Variants in AEBP2 observed in about 807,000 individuals in gnomAD.
AEBP2 encodes the protein zinc finger protein AEBP2.
Under a neutral mutation model 50.8 loss-of-function variants are expected in AEBP2, and 10 were observed. The observed-to-expected ratio is 0.20, with a 90% CI of 0.12 to 0.33. AEBP2 has a LOEUF of 0.33. AEBP2 is among the 10% of genes least tolerant of loss of function. The pLI is 1.00. For missense variants in AEBP2, 570 were observed against 688.0 expected (o/e 0.83, Z 1.92); for synonymous variants, 296 against 261.3 (o/e 1.13, Z -1.28).
chr12:19,408,214 A>G (rs901882212), intron 1 of AEBP2, among the ~76,000 whole-genome samples: 6 of 152,202 alleles, frequency 3.9e-5, no homozygotes, highest in African/African-American at 1.2e-4. Context: ...AAATTAGAAT[A>G]TTAGTTGTTT....
At chr12:19,407,263 T>A (rs1489447568) in intron 1 of AEBP2, among the ~76,000 whole-genome samples, 1 of 152,172 alleles carries the variant, frequency 6.6e-6, no homozygotes, top group Non-Finnish European at 1.5e-5. Context: ...TTGGTACCGC[T>A]GCACTTCAGC....
chr12:19,510,462 G>A (rs953691843), intron 5 of AEBP2, among the ~76,000 whole-genome samples: 6 of 152,174 alleles, frequency 3.9e-5, no homozygotes, highest in African/African-American at 1.4e-4. Flanking sequence ...GTGTTGGGAT[G>A]GTGGGAGTAA....
chr12:19,471,507 G>T (rs1372827413), intron 2 of AEBP2, among the ~76,000 whole-genome samples: 2 of 147,894 alleles, frequency 1.4e-5, no homozygotes, highest in African/African-American at 4.9e-5. Flanking sequence ...TAGCATTTAA[G>T]TTTTTTTTTT....
At position 19,512,945 on chromosome 12, in the gene AEBP2, C is replaced by G. The variant is rs1049362373; in HGVS notation, c.1367+480C>G. On this transcript the variant is annotated intron_variant, in intron 6 of 7. Transcript: ENST00000266508. ...CCTGGGTAACAGAGTGAGACTGTCT[C>G]AAAAACAAAAACAACAAAACAAACA... Among the ~76,000 whole-genome samples the G allele has an allele frequency of 2.4e-4, 37 of 152,006 alleles. 1 individual carries two copies. The highest frequency in any genetic ancestry group is 1.5e-5 in the Non-Finnish European group (1 of 67,996).
intron 5 of AEBP2, among the ~76,000 whole-genome samples, chr12:19,505,140 G>GA (rs1188851948): frequency 6.6e-6 from 1 of 152,206 alleles, no homozygotes; most frequent in East Asian, 1.9e-4. Flanking sequence ...ACTTTGTGGG[G>GA]ATTCAGCAAG....
At chr12:19,405,741 C>G (rs570396545) in intron 1 of AEBP2, among the ~76,000 whole-genome samples, 1 of 152,144 alleles carries the variant, frequency 6.6e-6, no homozygotes, top group Non-Finnish European at 1.5e-5. Flanking sequence ...TCTCACACCC[C>G]CATTATGAAC....
intron 1 of AEBP2, among the ~76,000 whole-genome samples, chr12:19,443,741 A>G (rs973007781): frequency 3.3e-5 from 5 of 152,148 alleles, no homozygotes; most frequent in African/African-American, 1.2e-4. Flanking sequence ...ATAATTAAAT[A>G]TAAAGACATA....
At chr12:19,466,222 G>C (rs1291714571) in intron 2 of AEBP2, among the ~76,000 whole-genome samples, 2 of 152,082 alleles carry the variant, frequency 1.3e-5, no homozygotes, top group African/African-American at 4.8e-5. Flanking sequence ...CCAGCACTTT[G>C]GAAAGCTGAG....
intron 4 of AEBP2, among the ~76,000 whole-genome samples, chr12:19,499,361 C>G (rs1010293526): frequency 2.0e-5 from 3 of 152,130 alleles, no homozygotes; most frequent in Admixed American, 6.5e-5. Flanking sequence ...GCCTGTATAC[C>G]CAGCACTTTT....
intron 1 of AEBP2, among the ~76,000 whole-genome samples, chr12:19,444,437 T>C (rs895312871): frequency 6.6e-6 from 1 of 152,236 alleles, no homozygotes; most frequent in South Asian, 2.1e-4. Context: ...TCAGTTAATA[T>C]ATGAAAGTAC....
intron 1 of AEBP2, among the ~76,000 whole-genome samples, chr12:19,451,500 T>A (rs2063987379): frequency 6.6e-6 from 1 of 152,130 alleles, no homozygotes; most frequent in South Asian, 2.1e-4. Flanking sequence ...AGCTGAGTGT[T>A]CCAAGAGCGA....
intron 1 of AEBP2, among the ~76,000 whole-genome samples, chr12:19,460,949 C>T (rs1003253893): frequency 2.6e-5 from 4 of 152,022 alleles, no homozygotes; most frequent in Admixed American, 6.6e-5. Flanking sequence ...CCACTGTGCC[C>T]GGCCTGAATG....
chr12:19,447,578 A>G (rs946271396), intron 1 of AEBP2, among the ~76,000 whole-genome samples: 1 of 152,232 alleles, frequency 6.6e-6, no homozygotes, highest in Non-Finnish European at 1.5e-5. Context: ...AAGAGCATGG[A>G]CGTAATCTAA....
chr12:19,451,722 G>C (rs1401745613), intron 1 of AEBP2, among the ~76,000 whole-genome samples: 1 of 148,972 alleles, frequency 6.7e-6, no homozygotes, highest in Non-Finnish European at 1.5e-5. Context: ...GGTCTCGCTT[G>C]CTGGGTTGCC....
At chr12:19,444,769 G>A (rs963933185) in intron 1 of AEBP2, among the ~76,000 whole-genome samples, 1 of 152,202 alleles carries the variant, frequency 6.6e-6, no homozygotes, top group African/African-American at 2.4e-5. Context: ...TGGTATTTTG[G>A]AGGGCAGGGA....
At chr12:19,450,323 C>T (rs1948144520) in intron 1 of AEBP2, among the ~76,000 whole-genome samples, 1 of 151,672 alleles carries the variant, frequency 6.6e-6, no homozygotes, top group Admixed American at 6.6e-5. Context: ...TCTTTCTACC[C>T]TCAGTGTTGC....
At chr12:19,456,676 C>T in intron 1 of AEBP2, 2 of 1,568,380 alleles carry the variant, frequency 1.3e-6, no homozygotes, top group South Asian at 1.1e-5. Context: ...CCATGACGAA[C>T]ATCCTTGACA....
chr12:19,479,465 C>T (rs1405311811), intron 3 of AEBP2, among the ~76,000 whole-genome samples: 3 of 152,086 alleles, frequency 2.0e-5, no homozygotes, highest in South Asian at 2.1e-4. Flanking sequence ...AGAAATTCAT[C>T]ACAAAAAGAT....
intron 1 of AEBP2, among the ~76,000 whole-genome samples, chr12:19,461,545 C>T (rs550465542): frequency 3.9e-4 from 60 of 151,960 alleles, no homozygotes; most frequent in African/African-American, 1.4e-3. Flanking sequence ...GAGTTTTGCT[C>T]GTTGACCAGG....
Sources: allele counts gnomAD v4.1 joint callset (sites outside exome capture counted in the v4.1 genomes callset), GRCh38; gene constraint gnomAD v4.1.1; transcripts MANE v1.5; gene names NCBI Gene and HGNC (gene_info 2026-07-23, HGNC 2026-07-21).